The following FMN1 variants were observed in gnomAD, a reference collection of about 807,000 sequenced individuals.
FMN1 encodes the protein formin 1.
Under a neutral mutation model 132.4 loss-of-function variants are expected in FMN1, and 110 were observed. The ratio of observed to expected loss-of-function variants is 0.83; its 90% CI spans 0.71 to 0.97. The LOEUF (loss-of-function observed/expected upper bound fraction) is 0.97. Ranked by LOEUF, FMN1 falls within the 50% of genes least tolerant of loss-of-function variation. The pLI is 0.00. For missense variants in FMN1, 1,792 were observed against 1,705.3 expected (o/e 1.05, Z -0.90); for synonymous variants, 722 against 651.7 (o/e 1.11, Z -1.64).
chr15:32,983,328 A>G (rs924142315), intron 7 of FMN1, among the ~76,000 whole-genome samples: 3 of 152,204 alleles, frequency 2.0e-5, no homozygotes, highest in African/African-American at 7.2e-5. Flanking sequence ...ACTGATAGAA[A>G]ACATCAATGG....
At chr15:32,845,020 T>G (rs2058825734) in intron 17 of FMN1, among the ~76,000 whole-genome samples, 2 of 152,226 alleles carry the variant, frequency 1.3e-5, no homozygotes, top group African/African-American at 4.8e-5. Context: ...AATTGGACAT[T>G]GTCTGCGAAA....
rs532128960 is a variant in FMN1, at chr15:33,024,465, C to A, written c.2162-16390G>T. 9.9e-5 allele frequency among the ~76,000 whole-genome samples: 15 copies of A among 151,922 alleles called. No individual in the cohort carries two copies. In the East Asian group the frequency reaches 2.9e-3, roughly 29 times the overall value. On this transcript the variant is annotated intron_variant, in intron 6 of 20. Transcript: ENST00000616417. ...GTTTCACCGTGTTAGCCAGGATGGT[C>A]TCGATTTCCTGACCTCGCAATCCGC... is the stretch of plus-strand genomic sequence containing the variant.
chr15:32,856,837 C>T (rs778404156), intron 17 of FMN1, among the ~76,000 whole-genome samples, 178 bp downstream of exon 17: 5 of 152,138 alleles, frequency 3.3e-5, no homozygotes, highest in African/African-American at 2.4e-5. Context: ...GATATGAAAG[C>T]TACAGGACAA....
intron 4 of FMN1, among the ~76,000 whole-genome samples, chr15:33,148,830 A>C (rs1248732831): frequency 6.6e-6 from 1 of 152,010 alleles, no homozygotes; most frequent in African/African-American, 2.4e-5. Context: ...GTGCTTTTTG[A>C]GCATGGCTTT....
intron 17 of FMN1, among the ~76,000 whole-genome samples, chr15:32,834,193 G>GA (rs2058571106): frequency 1.3e-5 from 2 of 152,034 alleles, no homozygotes; most frequent in South Asian, 4.2e-4. Context: ...TGGTTCTTTG[G>GA]AAAAAAATTA....
At chr15:33,064,623 G>C (rs982108472) in intron 6 of FMN1, 5 of 190,806 alleles carry the variant, frequency 2.6e-5, no homozygotes, top group African/African-American at 1.2e-4. Flanking sequence ...GCCTCTTCTA[G>C]CAACACTGCC....
At chr15:33,123,486 T>C (rs1012685000) in intron 4 of FMN1, among the ~76,000 whole-genome samples, 5 of 152,196 alleles carry the variant, frequency 3.3e-5, no homozygotes, top group East Asian at 1.9e-4. Flanking sequence ...AGTAGTATCA[T>C]AGCATATTAA....
intron 6 of FMN1, among the ~76,000 whole-genome samples, chr15:33,010,863 T>C (rs565580546): frequency 1.3e-5 from 2 of 150,742 alleles, no homozygotes; most frequent in Non-Finnish European, 3.0e-5. Context: ...AAAGACCTCA[T>C]ATAAGAAAAT....
At position 33,080,541 on chromosome 15, in the gene FMN1, T is replaced by C. The variant is rs1218093424; in HGVS notation, c.2043+8258A>G. 7.2e-5 allele frequency among the ~76,000 whole-genome samples: 11 copies of C among 152,098 alleles called. No individual in the cohort carries two copies. The South Asian group carries it at 2.1e-3, about 29-fold the overall frequency. ...GCCAAGGCGGACGGATCACCTGACG[T>C]CAGGAGTTCAAGACCAGCCTGGCCA... is the stretch of plus-strand genomic sequence containing the variant. On this transcript the variant is annotated intron_variant, in intron 5 of 20. Coordinates refer to ENST00000616417, the MANE Select transcript of FMN1 (RefSeq NM_001277313.2).
chr15:32,793,396 C>T (rs1370293729), intron 19 of FMN1, among the ~76,000 whole-genome samples: 1 of 152,116 alleles, frequency 6.6e-6, no homozygotes, highest in Non-Finnish European at 1.5e-5. Flanking sequence ...TTTCCTGCCT[C>T]AGCCTCCCGA....
At chr15:33,146,264 T>C (rs986080497) in intron 4 of FMN1, among the ~76,000 whole-genome samples, 1 of 152,190 alleles carries the variant, frequency 6.6e-6, no homozygotes, top group Admixed American at 6.5e-5. Context: ...CTTCTGATGA[T>C]AAAGTTCTTT....
intron 7 of FMN1, among the ~76,000 whole-genome samples, chr15:32,986,825 TG>T (rs1260501501): frequency 6.6e-6 from 1 of 152,182 alleles, no homozygotes; most frequent in Admixed American, 6.6e-5. Context: ...TACTTTTGAT[TG>T]ATATTCATCT....
chr15:32,899,090 T>C (rs1041850521), intron 14 of FMN1, among the ~76,000 whole-genome samples, 197 bp from the exon 15 acceptor site: 4 of 152,188 alleles, frequency 2.6e-5, no homozygotes, highest in Admixed American at 6.5e-5. Context: ...GACACTGTAC[T>C]ATCCTTTGTG....
At chr15:32,925,574 A>T (rs552835780) in intron 10 of FMN1, among the ~76,000 whole-genome samples, 1 of 152,356 alleles carries the variant, frequency 6.6e-6, no homozygotes, top group East Asian at 1.9e-4. Flanking sequence ...GATTAAAATA[A>T]ACTTGAGAGA....
At chr15:33,189,704 C>T (rs1966008213) in intron 2 of FMN1, among the ~76,000 whole-genome samples, 2 of 152,150 alleles carry the variant, frequency 1.3e-5, no homozygotes, top group African/African-American at 4.8e-5. Flanking sequence ...CCTTGATTTC[C>T]TCATCTGTAG....
intron 17 of FMN1, among the ~76,000 whole-genome samples, chr15:32,806,781 T>TC (rs966384862): frequency 6.6e-6 from 1 of 152,190 alleles, no homozygotes; most frequent in Non-Finnish European, 1.5e-5. Flanking sequence ...CACGATGGGC[T>TC]CCCTCACTGC....
At chr15:32,931,570 T>C (rs2061118662) in intron 9 of FMN1, among the ~76,000 whole-genome samples, 1 of 152,214 alleles carries the variant, frequency 6.6e-6, no homozygotes, top group South Asian at 2.1e-4. Flanking sequence ...TTGCTGAATG[T>C]TTTTCATAGT....
intron 4 of FMN1, among the ~76,000 whole-genome samples, chr15:33,151,623 T>C (rs978630263): frequency 6.6e-6 from 1 of 152,188 alleles, no homozygotes; most frequent in Non-Finnish European, 1.5e-5. Context: ...AAGAGCAATG[T>C]ATTTAATGCA....
intron 16 of FMN1, among the ~76,000 whole-genome samples, chr15:32,887,521 A>G (rs2059924172): frequency 6.6e-6 from 1 of 152,242 alleles, no homozygotes. Context: ...ACTAATTAAA[A>G]ATGTAAATTA....
Sources: gnomAD v4.1 joint callset for allele counts (sites outside exome capture counted in the v4.1 genomes callset) on GRCh38, gnomAD v4.1.1 for gene constraint, MANE v1.5 for transcripts, NCBI Gene and HGNC (gene_info 2026-07-23, HGNC 2026-07-21) for gene names.